Variants in HDAC4 observed in about 807,000 individuals in gnomAD.
HDAC4 encodes histone deacetylase 4.
A neutral mutation model predicts 135.1 loss-of-function variants in HDAC4; 16 were observed. The observed-to-expected ratio is 0.12, with a 90% CI of 0.08 to 0.18. The LOEUF (loss-of-function observed/expected upper bound fraction) is 0.18. Ranked by LOEUF, HDAC4 falls within the 10% of genes least tolerant of loss-of-function variation. The pLI is 1.00. For synonymous variants in HDAC4, 685 were observed against 653.4 expected (o/e 1.05, Z -0.74); for missense variants, 1,143 against 1,511.8 (o/e 0.76, Z 4.05).
chr2:239,358,958 T>A (rs557182850), intron 1 of HDAC4, among the ~76,000 whole-genome samples: 2 of 152,188 alleles, frequency 1.3e-5, no homozygotes, highest in Non-Finnish European at 2.9e-5. Flanking sequence ...TGTAAGAGAG[T>A]TAAATTCCTT....
At chr2:239,294,468 C>T (rs1283674901) in intron 2 of HDAC4, among the ~76,000 whole-genome samples, 1 of 152,068 alleles carries the variant, frequency 6.6e-6, no homozygotes, top group Non-Finnish European at 1.5e-5. Context: ...AAGGAGGTCG[C>T]GCCACTGTGT....
At chr2:239,175,522 ATGAAGT>A (rs2043708012) in intron 5 of HDAC4, among the ~76,000 whole-genome samples, 1 of 152,216 alleles carries the variant, frequency 6.6e-6, no homozygotes, top group African/African-American at 2.4e-5. Flanking sequence ...CCTGGATAGT[ATGAAGT>A]GTGGGCTCTC....
intron 16 of HDAC4, 94 bp downstream of exon 16, chr2:239,102,682 C>G: frequency 2.1e-6 from 3 of 1,460,446 alleles, no homozygotes; most frequent in Non-Finnish European, 2.9e-6. Context: ...AGGCGACACC[C>G]ACAGGTGCCC....
At chr2:239,171,920 C>A (rs543767899) in intron 5 of HDAC4, among the ~76,000 whole-genome samples, 1 of 152,164 alleles carries the variant, frequency 6.6e-6, no homozygotes, top group South Asian at 2.1e-4. Flanking sequence ...CAAAGATTAA[C>A]CTGAAATCAC....
chr2:239,099,626 C>T (rs1283407220), intron 16 of HDAC4, among the ~76,000 whole-genome samples: 1 of 152,224 alleles, frequency 6.6e-6, no homozygotes, highest in Non-Finnish European at 1.5e-5. Context: ...GACAGAAAGC[C>T]GCCTGCCCTC....
intron 16 of HDAC4, 102 bp downstream of exon 16, chr2:239,102,674 G>A: frequency 7.3e-7 from 1 of 1,367,554 alleles, no homozygotes; most frequent in Non-Finnish European, 1.0e-6. Flanking sequence ...AACCTGGCAG[G>A]CGACACCCAC....
chr2:239,181,760 G>A (rs1575320117), intron 4 of HDAC4, among the ~76,000 whole-genome samples: 1 of 152,192 alleles, frequency 6.6e-6, no homozygotes, highest in South Asian at 2.1e-4. Flanking sequence ...TCTCCGTGCT[G>A]GGTTAAATGT....
chr2:239,103,452 T>C (rs1038241357), intron 15 of HDAC4, among the ~76,000 whole-genome samples: 4 of 152,262 alleles, frequency 2.6e-5, no homozygotes, highest in Non-Finnish European at 5.9e-5. Context: ...ATTCAGATTT[T>C]CTCCAGAAAT....
chr2:239,102,926 C>A (rs758674084), intron 15 of HDAC4, 30 bp from the exon 16 acceptor site: 3 of 1,613,294 alleles, frequency 1.9e-6, no homozygotes, highest in African/African-American at 2.7e-5. Context: ...GACACTCACA[C>A]GTTCTGCAGA....
At position 239,078,271 on chromosome 2, in the gene HDAC4, G is replaced by A. The variant is rs758478622; in HGVS notation, c.2750+2824C>T. 5.3e-5 allele frequency among the ~76,000 whole-genome samples: 8 copies of A among 152,278 alleles called. No homozygotes were observed. The East Asian group carries it at 5.8e-4, about 11-fold the overall frequency. ...TCTCCGGGCCTGAGGAGAAAGTGCC[G>A]GCTGCTTCTGGATTTCATTAGGGGC... On this transcript the variant is annotated intron_variant, in intron 22 of 26. Coordinates refer to ENST00000543185, the MANE Select transcript of HDAC4 (RefSeq NM_001378414.1).
At chr2:239,340,924 G>A (rs965609215) in intron 2 of HDAC4, among the ~76,000 whole-genome samples, 2 of 152,060 alleles carry the variant, frequency 1.3e-5, no homozygotes, top group African/African-American at 4.8e-5. Flanking sequence ...TCAGAAAACT[G>A]GGCTCACTGC....
intron 11 of HDAC4, among the ~76,000 whole-genome samples, chr2:239,131,685 G>A (rs2152870904): frequency 6.6e-6 from 1 of 152,348 alleles, no homozygotes. Flanking sequence ...GAGGAAGGCT[G>A]GAGTTCCTGC....
intron 3 of HDAC4, among the ~76,000 whole-genome samples, chr2:239,206,614 T>C (rs1485519251): frequency 6.7e-6 from 1 of 149,502 alleles, no homozygotes; most frequent in East Asian, 2.0e-4. Context: ...GAAGGAAAAC[T>C]CTGTGGGACA....
rs773690591 is a variant in HDAC4, at chr2:239,134,236, T to C, written c.1294+9A>G. On this transcript the variant is annotated intron_variant, in intron 11 of 26. Coordinates refer to ENST00000543185, the MANE Select transcript of HDAC4 (RefSeq NM_001378414.1). ...GAGCCTGGCTGCACCCAGGCCCATT[T>C]GTGCTCACCTGTGACGAGGGGTGCT... The C allele has an allele frequency of 6.2e-7, 1 of 1,607,578 alleles. No homozygotes were observed. The highest frequency in any genetic ancestry group is 8.5e-7 in the Non-Finnish European group (1 of 1,179,038).
At position 239,298,620 on chromosome 2, in the gene HDAC4, G is replaced by A. The variant is rs372511943; in HGVS notation, c.22+54058C>T. ...AGCACACACAGGATCAGCAGTGATA[G>A]GAACAGCCTGCCACTCTTTACAGAG... On this transcript the variant is annotated intron_variant, in intron 2 of 26. Transcript: ENST00000543185. 2.5e-5 allele frequency: 25 copies of A among 993,170 alleles called. No individual in the cohort carries two copies. The South Asian group carries it at 9.5e-4, about 38-fold the overall frequency. The allele number at this position is 993,170 out of a possible 1,614,324, so 61.5% of individuals were successfully genotyped here. A position where few individuals can be genotyped will look rare whatever the true frequency, so the allele number is the denominator to read the frequency against.
At chr2:239,380,424 G>T (rs1213507411) in intron 1 of HDAC4, among the ~76,000 whole-genome samples, 1 of 152,124 alleles carries the variant, frequency 6.6e-6, no homozygotes, top group Non-Finnish European at 1.5e-5. Flanking sequence ...TATAGTTATT[G>T]TATGTATAAA....
intron 2 of HDAC4, among the ~76,000 whole-genome samples, chr2:239,264,396 T>C (rs1287774108): frequency 6.6e-6 from 1 of 152,260 alleles, no homozygotes; most frequent in Non-Finnish European, 1.5e-5. Flanking sequence ...GGATTTTGTT[T>C]GGTTGGTTTC....
rs1205195241 is a variant in HDAC4, at chr2:239,167,976, G to A, written c.491-4053C>T. On this transcript the variant is annotated intron_variant, in intron 5 of 26. Transcript: ENST00000543185. This position sits in a 1 kb window ranked among gnomAD's most constrained non-coding sequence, Gnocchi z 4.1. ...GGGTGGGGCGGGGCGGGGCAGGTGG[G>A]GAGGGACGGCTGTGTTCGGGGAGGG... 1.3e-5 allele frequency among the ~76,000 whole-genome samples: 2 copies of A among 152,042 alleles called. No homozygotes were observed. The highest frequency in any genetic ancestry group is 3.9e-4 in the East Asian group (2 of 5,154).
chr2:239,232,223 T>C (rs1030961113), intron 3 of HDAC4, among the ~76,000 whole-genome samples: 2 of 152,272 alleles, frequency 1.3e-5, no homozygotes, highest in African/African-American at 2.4e-5. Flanking sequence ...GAGTTTTAGC[T>C]ACAATGAATC....
Sources: gnomAD v4.1 joint callset for allele counts (sites outside exome capture counted in the v4.1 genomes callset) on GRCh38, gnomAD v4.1.1 for gene constraint, Gnocchi (gnomAD v3.1) non-coding constraint, MANE v1.5 for transcripts, NCBI Gene and HGNC (gene_info 2026-07-23, HGNC 2026-07-21) for gene names.